Variants in DOCK9 observed in about 807,000 individuals in gnomAD.
DOCK9 encodes the protein dedicator of cytokinesis protein 9.
DOCK9 carries 89 observed loss-of-function variants against 263.3 expected under a neutral mutation model. That is an observed-to-expected ratio of 0.34 (90% CI 0.28 to 0.40). The LOEUF is 0.40. Among genes scored for constraint, DOCK9 ranks in the 10% least tolerant of loss-of-function variants. The pLI, the probability that DOCK9 is intolerant of heterozygous loss-of-function variation, is 1.00. For synonymous variants in DOCK9, 976 were observed against 973.1 expected (o/e 1.00, Z -0.06); for missense variants, 2,140 against 2,603.4 (o/e 0.82, Z 3.87).
intron 34 of DOCK9, among the ~76,000 whole-genome samples, chr13:98,855,190 A>G (rs2093675640): frequency 6.6e-6 from 1 of 152,214 alleles, no homozygotes; most frequent in Admixed American, 6.5e-5. Flanking sequence ...TGAATCACCT[A>G]TATGATCAAT....
chr13:98,837,707 C>T lies in DOCK9; in HGVS notation c.4199-98G>A, dbSNP rs1217679200. The T allele has an allele frequency of 6.8e-6, 3 of 443,842 alleles. No individual in the cohort carries two copies. The Admixed American group carries it at 1.2e-4, about 17-fold the overall frequency. The allele number at this position is 443,842 out of a possible 1,614,324, so 27.5% of individuals were successfully genotyped here. A position where few individuals can be genotyped will look rare whatever the true frequency, so the allele number is the denominator to read the frequency against. ...GTCAACTTTTGATTATTCAGAAGGC[C>T]CACTTTGGGACCTTGTCTCTGTGTT... On this transcript the variant is annotated intron_variant, in intron 38 of 52. Transcript: ENST00000682017.
chr13:98,915,537 A>G (rs771929510), intron 7 of DOCK9, 34 bp from the exon 8 acceptor site: 3 of 1,579,200 alleles, frequency 1.9e-6, no homozygotes, highest in South Asian at 1.2e-5. Flanking sequence ...GACATACTTT[A>G]AAAGAATTAG....
At position 98,794,654 on chromosome 13, in the gene DOCK9, C is replaced by T. The variant is rs1361663457; in HGVS notation, c.6251G>A (p.Gly2084Glu). Residue 2084 changes from glycine (G) to glutamate (E), a missense_variant, in exon 53 of 53, where the codon GGG becomes GAG. This residue lies in a region of DOCK9 where 619 missense variants were observed against 861.8 expected (regional missense o/e 0.72). Transcript: ENST00000682017. The stretch of plus-strand genomic sequence containing the variant: ...CACGACCGAAGACGAGCTGGTCATC[C>T]CGTGAACCATTGTGCTTGTTGGAGT... ...SGTPTSTMVHGMTSSSSVV is the reference protein window; with the variant it reads ...SGTPTSTMVHEMTSSSSVV 6.2e-7 allele frequency: 1 copy of T among 1,611,948 alleles called. No individual in the cohort carries two copies. The highest frequency in any genetic ancestry group is 1.7e-5 in the Admixed American group (1 of 59,738).
rs751727097 is a variant in DOCK9, at chr13:98,797,484, A to G, written c.5922T>C (p.Asn1974=). ...CTCGCGCATATGCTAGTGGGCCAGC[A>G]TTGACCTAGACAAAGAGCAAAGATT... ...KLQGSVSVQV[N]AGPLAYARAF... is the part of the protein sequence containing the mutation. Residue 1974 remains asparagine, a synonymous_variant, in exon 51 of 53, where the codon AAT becomes AAC. Coordinates refer to ENST00000682017, the MANE Select transcript of DOCK9 (RefSeq NM_001366683.2). 2.5e-6 allele frequency: 4 copies of G among 1,609,384 alleles called. No individual in the cohort carries two copies. The highest frequency in any genetic ancestry group is 2.7e-5 in the African/African-American group (2 of 74,910).
In DOCK9 at chr13:98,955,556, A is replaced by C. The variant is rs1226068672; in HGVS notation, c.127-5T>G. 4 of 1,570,890 alleles carry C rather than the reference A, an allele frequency of 2.5e-6. No individual in the cohort carries two copies. Among genetic ancestry groups the C allele is most frequent in the Non-Finnish European group, 3.5e-6 (4 of 1,154,440 alleles). ...CTCAATTAGCTTTGGCTTTGCCTGG[A>C]GGGCGAAAAGATAAGCAAGACATTC... On this transcript the variant is annotated splice_region_variant and splice_polypyrimidine_tract_variant and intron_variant, in intron 1 of 52. Coordinates refer to ENST00000682017, the MANE Select transcript of DOCK9 (RefSeq NM_001366683.2).
chr13:98,808,834 C>T (rs1418916532), intron 47 of DOCK9, among the ~76,000 whole-genome samples: 1 of 151,976 alleles, frequency 6.6e-6, no homozygotes, highest in Non-Finnish European at 1.5e-5. Flanking sequence ...AAACCCTTTC[C>T]TATAGGGTTT....
intron 30 of DOCK9, among the ~76,000 whole-genome samples, chr13:98,864,681 T>C (rs1338162788): frequency 6.6e-6 from 1 of 152,196 alleles, no homozygotes; most frequent in African/African-American, 2.4e-5. Flanking sequence ...TATGGTTGTG[T>C]GTATGAATGT....
intron 2 of DOCK9, among the ~76,000 whole-genome samples, chr13:98,954,269 C>T (rs2057772584): frequency 6.6e-6 from 1 of 150,430 alleles, no homozygotes; most frequent in African/African-American, 2.4e-5. Context: ...CAGCTCGATT[C>T]ACAAAAGACA....
chr13:98,809,277 A>G, intron 47 of DOCK9, 75 bp downstream of exon 47: 2 of 1,281,862 alleles, frequency 1.6e-6, no homozygotes, highest in Non-Finnish European at 2.2e-6. Context: ...ACTTTATTAT[A>G]GTTTTTTTTT....
intron 5 of DOCK9, 63 bp from the exon 6 acceptor site, chr13:98,922,209 G>C: frequency 7.7e-7 from 1 of 1,305,894 alleles, no homozygotes; most frequent in Non-Finnish European, 1.1e-6. Context: ...CTTGCTGTGA[G>C]TTTGGTCAAT....
At chr13:98,816,104 G>A (rs370159377) in intron 45 of DOCK9, among the ~76,000 whole-genome samples, 13 of 152,070 alleles carry the variant, frequency 8.5e-5, no homozygotes, top group African/African-American at 2.9e-4. Flanking sequence ...AAGGCACAGC[G>A]CTTGACACTG....
rs2090558249 is a variant in DOCK9 at position 98,805,216 on chromosome 13, T to A, written c.5515-7A>T. 1 of 1,583,148 alleles carries A rather than the reference T, an allele frequency of 6.3e-7. No homozygotes were observed. The highest frequency in any genetic ancestry group is 1.8e-5 in the Admixed American group (1 of 56,196). ...CCAGATCCTTAGGGTTGACCTTTAA[T>A]TGAAACAGCACAATGGGAGATTGGT... On this transcript the variant is annotated splice_polypyrimidine_tract_variant and splice_region_variant and intron_variant, in intron 48 of 52. Transcript: ENST00000682017.
chr13:98,971,564 C>T (rs148685602), intron 1 of DOCK9, among the ~76,000 whole-genome samples: 4,179 of 145,358 alleles, frequency 0.029, 96 homozygotes, highest in South Asian at 0.067. Context: ...AAAAACTAGC[C>T]GGGTGTTGTG....
intron 9 of DOCK9, among the ~76,000 whole-genome samples, chr13:98,913,925 C>T (rs2050458601): frequency 6.6e-6 from 1 of 152,092 alleles, no homozygotes; most frequent in South Asian, 2.1e-4. Context: ...CCCCGGGTTT[C>T]GTGGCAAGAT....
intron 14 of DOCK9, 73 bp from the exon 15 acceptor site, chr13:98,897,683 T>G (rs1595096015): frequency 1.3e-6 from 2 of 1,568,548 alleles, no homozygotes; most frequent in East Asian, 4.5e-5. Context: ...TAAGTCTAGT[T>G]TCTATGAGAA....
At chr13:98,866,248 T>C (rs1190697413) in intron 30 of DOCK9, among the ~76,000 whole-genome samples, 4 of 152,168 alleles carry the variant, frequency 2.6e-5, no homozygotes, top group Admixed American at 6.6e-5. Context: ...TCCAGGTGTA[T>C]GTAGAATAGC....
chr13:98,949,999 T>G lies in DOCK9; in HGVS notation c.243+5436A>C, dbSNP rs1271154060. On this transcript the variant is annotated intron_variant, in intron 2 of 52. Transcript: ENST00000682017. ...ACCTTGGCTTGTTCATGTTTCAAAA[T>G]GAGTTCTTGGACAGACTTTAGATTG... is the stretch of plus-strand genomic sequence containing the variant. The G allele has an allele frequency of 1.8e-5, 9 of 496,818 alleles. 1 individual carries two copies. Among genetic ancestry groups the G allele is most frequent in the Non-Finnish European group, 3.1e-5 (8 of 255,078 alleles). The allele number at this position is 496,818 out of a possible 1,614,324, so 30.8% of individuals were successfully genotyped here. A position where few individuals can be genotyped will look rare whatever the true frequency, so the allele number is the denominator to read the frequency against.
chr13:98,978,178 T>C, upstream of DOCK9: 1 of 1,121,386 alleles, frequency 8.9e-7, no homozygotes. Context: ...AGCTGAACAA[T>C]ACACAGTGTA....
rs145547194 is a variant in DOCK9 at position 98,829,152 on chromosome 13, T to G, written c.4965+155A>C. ...AATTATTAAAATGCTCAGCTAACTATGAAGTCACCCTAAGCTTCATACTGT... is the reference window on the plus strand; with the variant it reads ...AATTATTAAAATGCTCAGCTAACTAGGAAGTCACCCTAAGCTTCATACTGT... On this transcript the variant is annotated intron_variant, in intron 43 of 52. Transcript: ENST00000682017. The surrounding 1 kb of genome is among the most constrained non-coding windows in gnomAD (Gnocchi z 4.1). Among the ~76,000 whole-genome samples, 241 of 152,330 alleles carry G rather than the reference T, an allele frequency of 1.6e-3. No individual in the cohort carries two copies. The highest frequency in any genetic ancestry group is 5.5e-3 in the African/African-American group (228 of 41,578).
Sources: gnomAD v4.1 joint callset for allele counts (sites outside exome capture counted in the v4.1 genomes callset) on GRCh38, gnomAD v4.1.1 for gene constraint, gnomAD v4.1.1 regional missense constraint, Gnocchi (gnomAD v3.1) non-coding constraint, MANE v1.5 for transcripts, NCBI Gene and HGNC (gene_info 2026-07-23, HGNC 2026-07-21) for gene names.